ANXA6: variants seen among roughly 807,000 people sequenced by gnomAD.
ANXA6 encodes annexin A6.
Under a neutral mutation model 95.4 loss-of-function variants are expected in ANXA6, and 71 were observed. The ratio of observed to expected loss-of-function variants is 0.74; its 90% CI spans 0.61 to 0.91. ANXA6 has a LOEUF of 0.91. Ranked by LOEUF, ANXA6 falls within the 40% of genes least tolerant of loss-of-function variation. The pLI, the probability that ANXA6 is intolerant of heterozygous loss-of-function variation, is 0.00. For synonymous variants in ANXA6, 289 were observed against 315.9 expected, an observed-to-expected ratio of 0.91 and a Z score of 0.90; for missense variants, 830 against 876.4, an observed-to-expected ratio of 0.95 and a Z score of 0.67.
intron 8 of ANXA6, among the ~76,000 whole-genome samples, chr5:151,133,624 A>G (rs781515386): frequency 1.3e-5 from 2 of 152,234 alleles, no homozygotes; most frequent in Non-Finnish European, 2.9e-5. Context: ...CTAGCATCAC[A>G]TATCTGGTCC....
intron 1 of ANXA6, among the ~76,000 whole-genome samples, chr5:151,154,678 C>A (rs74854370): frequency 1.3e-5 from 2 of 152,300 alleles, no homozygotes; most frequent in African/African-American, 2.4e-5. Flanking sequence ...GCACACCCCC[C>A]AGCTTGACGA....
chr5:151,100,924 C>T lies in ANXA6; in HGVS notation c.*524G>A, dbSNP rs746266297. 2.2e-6 allele frequency: 1 copy of T among 456,444 alleles called. No individual in the cohort carries two copies. Among genetic ancestry groups the T allele is most frequent in the Non-Finnish European group, 4.4e-6 (1 of 227,172 alleles). The allele number at this position is 456,444 out of a possible 1,614,324, so 28.3% of individuals were successfully genotyped here. On this transcript the variant is annotated 3_prime_UTR_variant, in exon 26 of 26. Transcript: ENST00000354546. Reference sequence around the variant, plus strand: ...GTGCATGGCAGATGCAGATTTGAACCCAGGCATCCAAATTCCTGGTCCAGT... The same window carrying T: ...GTGCATGGCAGATGCAGATTTGAACTCAGGCATCCAAATTCCTGGTCCAGT...
chr5:151,140,577 A>AATATATATAT (rs61352316), intron 2 of ANXA6: 61 of 143,858 alleles, frequency 4.2e-4, no homozygotes, highest in Non-Finnish European at 7.6e-4. Flanking sequence ...GCAAGAGTCA[A>AATATATATAT]ATATATATAT....
intron 12 of ANXA6, among the ~76,000 whole-genome samples, chr5:151,129,178 C>A (rs1765417021): frequency 6.6e-6 from 1 of 152,192 alleles, no homozygotes; most frequent in Admixed American, 6.5e-5. Context: ...CCTTCATGAC[C>A]CAGCCCCTGC....
chr5:151,124,557 G>C (rs896127593), intron 14 of ANXA6, among the ~76,000 whole-genome samples, 190 bp from the exon 15 acceptor site: 30 of 143,334 alleles, frequency 2.1e-4, no homozygotes, highest in Non-Finnish European at 4.4e-4. Flanking sequence ...GAGAGAGAGA[G>C]AGAGAAAGAG....
intron 1 of ANXA6, among the ~76,000 whole-genome samples, chr5:151,156,903 G>A (rs1342284782): frequency 2.6e-5 from 4 of 152,332 alleles, no homozygotes; most frequent in East Asian, 1.9e-4. Flanking sequence ...CAGGCTCAGA[G>A]AGGGAAAGCC....
At chr5:151,154,999 C>G (rs1293928103) in intron 1 of ANXA6, 1 of 151,804 alleles carries the variant, frequency 6.6e-6, no homozygotes, top group Non-Finnish European at 1.5e-5. Flanking sequence ...AAAAATAGCA[C>G]CTCCCTCATA....
intron 6 of ANXA6, among the ~76,000 whole-genome samples, 181 bp downstream of exon 6, chr5:151,137,050 C>T (rs527850860): frequency 6.6e-5 from 10 of 152,248 alleles, no homozygotes; most frequent in South Asian, 2.1e-4. Context: ...GGTTTTATCC[C>T]GAGAACCTAG....
rs1241040505 is a variant in ANXA6 at position 151,103,762 on chromosome 5, G to T, written c.1840-70C>A. 3 of 1,507,954 alleles carry T rather than the reference G, an allele frequency of 2.0e-6. No homozygotes were observed. The African/African-American group carries it at 4.2e-5, about 21-fold the overall frequency. The allele number at this position is 1,507,954 out of a possible 1,614,324, so 93.4% of individuals were successfully genotyped here. A position where few individuals can be genotyped will look rare whatever the true frequency, so the allele number is the denominator to read the frequency against. The stretch of plus-strand genomic sequence containing the variant: ...AGAGCCCAGTCAGGCAAGAAACAGT[G>T]GTATCCCATCTGCCTTTCTCCCTTG... On this transcript the variant is annotated intron_variant, in intron 24 of 25. Transcript: ENST00000354546.
At chr5:151,151,975 C>G (rs551541118) in intron 1 of ANXA6, among the ~76,000 whole-genome samples, 16 of 152,306 alleles carry the variant, frequency 1.1e-4, no homozygotes, top group African/African-American at 3.9e-4. Context: ...TGTGGCCACC[C>G]CTTGCCTCAT....
intron 12 of ANXA6, among the ~76,000 whole-genome samples, chr5:151,129,050 C>A (rs980600103): frequency 6.6e-6 from 1 of 152,198 alleles, no homozygotes; most frequent in Non-Finnish European, 1.5e-5. Context: ...CCGGCCCAGG[C>A]CAAAGGTTCC....
At chr5:151,140,594 A>ATATATATATATATATATATACATATT (rs201589041) in intron 2 of ANXA6, 4 of 141,656 alleles carry the variant, frequency 2.8e-5, no homozygotes, top group African/African-American at 1.1e-4. Flanking sequence ...ATATATATAT[A>ATATATATATATATATATATACATATT]TATATATATA....
chr5:151,121,990 A>G (rs889281474), intron 17 of ANXA6, among the ~76,000 whole-genome samples, 157 bp downstream of exon 17: 1 of 152,220 alleles, frequency 6.6e-6, no homozygotes, highest in African/African-American at 2.4e-5. Context: ...GTTTTCAGTT[A>G]TAGGAGCCAA....
At chr5:151,111,138 C>A (rs1218322466) in intron 20 of ANXA6, among the ~76,000 whole-genome samples, 1 of 152,178 alleles carries the variant, frequency 6.6e-6, no homozygotes, top group Non-Finnish European at 1.5e-5. Flanking sequence ...GAAAGACTGG[C>A]CAGCTGAGGC....
rs1170312485 is a variant in ANXA6, at chr5:151,100,900, T to C, written c.*548A>G. The C allele has an allele frequency of 6.6e-6, 3 of 456,224 alleles. No homozygotes were observed. In the East Asian group the frequency reaches 2.1e-4, roughly 32 times the overall value. The allele number at this position is 456,224 out of a possible 1,614,324, so 28.3% of individuals were successfully genotyped here. A position where few individuals can be genotyped will look rare whatever the true frequency, so the allele number is the denominator to read the frequency against. Reference sequence around the variant, plus strand: ...GGGCTGGCCTAAGGTCAGAAACAAGTGCATGGCAGATGCAGATTTGAACCC... The same window carrying C: ...GGGCTGGCCTAAGGTCAGAAACAAGCGCATGGCAGATGCAGATTTGAACCC... On this transcript the variant is annotated 3_prime_UTR_variant, in exon 26 of 26. Coordinates refer to ENST00000354546, the MANE Select transcript of ANXA6 (RefSeq NM_001155.5).
chr5:151,118,926 C>T (rs768045946), intron 18 of ANXA6, among the ~76,000 whole-genome samples: 14 of 152,140 alleles, frequency 9.2e-5, no homozygotes, highest in Non-Finnish European at 1.5e-4. Flanking sequence ...TGGGGCCACT[C>T]GCTTAAAAAT....
chr5:151,104,737 G>T (rs10037788), intron 24 of ANXA6, among the ~76,000 whole-genome samples: 4 of 152,182 alleles, frequency 2.6e-5, no homozygotes, highest in African/African-American at 9.7e-5. Flanking sequence ...CTCCCAGAAG[G>T]GCAGGACTAG....
At chr5:151,105,557 G>C in intron 23 of ANXA6, among the ~76,000 whole-genome samples, 1 of 152,174 alleles carries the variant, frequency 6.6e-6, no homozygotes, top group South Asian at 2.1e-4. Context: ...ACCAAGGTCA[G>C]GAGAGGATTC....
intron 2 of ANXA6, among the ~76,000 whole-genome samples, chr5:151,141,348 T>A (rs1765831237): frequency 6.6e-6 from 1 of 152,202 alleles, no homozygotes; most frequent in Non-Finnish European, 1.5e-5. Context: ...CCAATTCCTG[T>A]CTTTCACGAG....
Sources: allele counts gnomAD v4.1 joint callset (sites outside exome capture counted in the v4.1 genomes callset), GRCh38; gene constraint gnomAD v4.1.1; transcripts MANE v1.5; gene names NCBI Gene and HGNC (gene_info 2026-07-23, HGNC 2026-07-21).